Variants in BMPR2 observed in about 807,000 individuals in gnomAD.
BMPR2 encodes the protein bone morphogenetic protein receptor type 2, also known as bone morphogenetic protein receptor type-2.
Under a neutral mutation model 100.8 loss-of-function variants are expected in BMPR2, and 29 were observed. That is an observed-to-expected ratio of 0.29 (90% CI 0.21 to 0.39). BMPR2 has a LOEUF of 0.39. Ranked by LOEUF, BMPR2 falls within the 10% of genes least tolerant of loss-of-function variation. BMPR2 has a pLI of 1.00. For missense variants in BMPR2, 1,011 were observed against 1,274.5 expected (o/e 0.79, Z 3.15); for synonymous variants, 382 against 442.3 (o/e 0.86, Z 1.71).
At chr2:202,413,670 A>G (rs1223437260) in intron 1 of BMPR2, among the ~76,000 whole-genome samples, 1 of 151,590 alleles carries the variant, frequency 6.6e-6, no homozygotes, top group African/African-American at 2.4e-5. Flanking sequence ...TAATTATATT[A>G]CTTTTTTTTT....
intron 5 of BMPR2, among the ~76,000 whole-genome samples, chr2:202,517,175 G>A (rs1201497712): frequency 2.0e-5 from 3 of 150,446 alleles, no homozygotes; most frequent in South Asian, 4.2e-4. Context: ...AGCTGAGACC[G>A]TGCCACTGCA....
chr2:202,474,403 G>T (rs913582030), intron 3 of BMPR2, among the ~76,000 whole-genome samples: 12 of 152,120 alleles, frequency 7.9e-5, no homozygotes, highest in Admixed American at 7.9e-4. Flanking sequence ...GGAGGTTGCA[G>T]TAAGCTGAGA....
At chr2:202,377,767 C>A (rs1229716680) in intron 1 of BMPR2, among the ~76,000 whole-genome samples, 2 of 152,220 alleles carry the variant, frequency 1.3e-5, no homozygotes, top group African/African-American at 2.4e-5. Context: ...TTCCATATTC[C>A]CACCCCACCC....
intron 3 of BMPR2, among the ~76,000 whole-genome samples, chr2:202,511,511 A>G (rs1037927562): frequency 1.1e-4 from 16 of 152,160 alleles, no homozygotes; most frequent in Admixed American, 4.6e-4. Context: ...TATACTTACC[A>G]TTTCATATCC....
intron 1 of BMPR2, among the ~76,000 whole-genome samples, chr2:202,412,358 G>A (rs889927524): frequency 2.0e-5 from 3 of 152,088 alleles, no homozygotes; most frequent in Non-Finnish European, 4.4e-5. Flanking sequence ...TCACTCTGTC[G>A]CCCAGGCTGG....
At chr2:202,531,467 C>T (rs1688026302) in intron 8 of BMPR2, among the ~76,000 whole-genome samples, 1 of 152,126 alleles carries the variant, frequency 6.6e-6, no homozygotes, top group African/African-American at 2.4e-5. Context: ...TTTGTAGGAA[C>T]TGATTTTTGA....
chr2:202,541,345 A>G (rs1688268419), intron 9 of BMPR2, among the ~76,000 whole-genome samples: 1 of 151,852 alleles, frequency 6.6e-6, no homozygotes, highest in Non-Finnish European at 1.5e-5. Flanking sequence ...TAGGGAGGCC[A>G]CTTGAGTGCA....
intron 7 of BMPR2, among the ~76,000 whole-genome samples, chr2:202,523,700 A>T (rs1185295865): frequency 6.6e-6 from 1 of 152,100 alleles, no homozygotes; most frequent in Admixed American, 6.6e-5. Context: ...GCTACTCGGG[A>T]GGCTGAGGCA....
At chr2:202,415,813 C>T (rs1691115821) in intron 1 of BMPR2, among the ~76,000 whole-genome samples, 2 of 152,188 alleles carry the variant, frequency 1.3e-5, no homozygotes, top group East Asian at 3.8e-4. Flanking sequence ...CACCCGATCA[C>T]CCAAGAGCTC....
chr2:202,455,215 G>A (rs1187232447), intron 1 of BMPR2, among the ~76,000 whole-genome samples: 7 of 152,108 alleles, frequency 4.6e-5, no homozygotes, highest in African/African-American at 7.2e-5. Flanking sequence ...TAAAAATTCA[G>A]TTCCTCAGTC....
chr2:202,493,463 A>C (rs1216648889), intron 3 of BMPR2, among the ~76,000 whole-genome samples: 3 of 152,120 alleles, frequency 2.0e-5, no homozygotes, highest in African/African-American at 7.2e-5. Context: ...TTTGATGTAC[A>C]ATGGTCTGCA....
intron 3 of BMPR2, among the ~76,000 whole-genome samples, chr2:202,497,408 C>T (rs1476590666): frequency 6.6e-6 from 1 of 152,194 alleles, no homozygotes; most frequent in African/African-American, 2.4e-5. Context: ...CCTTATTGGC[C>T]AGTTAAAAGT....
chr2:202,463,739 A>G (rs1433094068), intron 1 of BMPR2, among the ~76,000 whole-genome samples: 1 of 152,244 alleles, frequency 6.6e-6, no homozygotes, highest in Non-Finnish European at 1.5e-5. Flanking sequence ...TTCTACAAAA[A>G]TTAGTTAAAT....
chr2:202,457,529 T>C (rs1692138062), intron 1 of BMPR2, among the ~76,000 whole-genome samples: 1 of 146,116 alleles, frequency 6.8e-6, no homozygotes, highest in Non-Finnish European at 1.5e-5. Context: ...GATATATTAT[T>C]TTTAGCAATA....
At chr2:202,377,913 T>C (rs1165279795) in intron 1 of BMPR2, among the ~76,000 whole-genome samples, 1 of 152,222 alleles carries the variant, frequency 6.6e-6, no homozygotes, top group Non-Finnish European at 1.5e-5. Context: ...AACAGACCTG[T>C]AGATTTTTAA....
At position 202,479,114 on chromosome 2, in the gene BMPR2, C is replaced by G. The variant is rs576882775; in HGVS notation, c.418+11425C>G. Among the ~76,000 whole-genome samples the G allele has an allele frequency of 8.9e-4, 135 of 152,210 alleles. 1 individual carries two copies. The highest frequency in any genetic ancestry group is 3.1e-3 in the African/African-American group (127 of 41,516). On this transcript the variant is annotated intron_variant, in intron 3 of 12. Transcript: ENST00000374580. The stretch of plus-strand genomic sequence containing the variant: ...AAATTAGACAAAAGTGATGGTATAT[C>G]ACTTCTGTAATTAGGTTTTAAAAGA...
rs1688660827 is a variant in BMPR2 at position 202,560,419 on chromosome 2, T to G, written c.*473T>G. 1 of 168,806 alleles carries G rather than the reference T, an allele frequency of 5.9e-6. No homozygotes were observed. Among genetic ancestry groups the G allele is most frequent in the Admixed American group, 5.6e-5 (1 of 17,828 alleles). The allele number at this position is 168,806 out of a possible 1,614,324, so 10.5% of individuals were successfully genotyped here. A position where few individuals can be genotyped will look rare whatever the true frequency, so the allele number is the denominator to read the frequency against. ...TGATACGTTCCTGAACATATTATCT[T>G]GTTGGACATCTTTTCTCTTGTGTTT... On this transcript the variant is annotated 3_prime_UTR_variant, in exon 13 of 13. Transcript: ENST00000374580.
intron 1 of BMPR2, among the ~76,000 whole-genome samples, chr2:202,441,759 C>T (rs1372568036): frequency 7.6e-6 from 1 of 131,492 alleles, no homozygotes; most frequent in South Asian, 2.4e-4. Flanking sequence ...TGTGGCCAGG[C>T]GTGGTGGCTC....
intron 1 of BMPR2, among the ~76,000 whole-genome samples, chr2:202,406,595 G>A (rs1690896055): frequency 6.6e-6 from 1 of 152,160 alleles, no homozygotes; most frequent in Non-Finnish European, 1.5e-5. Context: ...TGCTCTCTAG[G>A]TACAGTTAGC....
Sources: gnomAD v4.1 joint callset for allele counts (sites outside exome capture counted in the v4.1 genomes callset) on GRCh38, gnomAD v4.1.1 for gene constraint, MANE v1.5 for transcripts, NCBI Gene and HGNC (gene_info 2026-07-23, HGNC 2026-07-21) for gene names.